The following CENPE variants were observed in gnomAD, a reference collection of about 807,000 sequenced individuals.
CENPE encodes the protein centromere protein E.
CENPE carries 145 observed loss-of-function variants against 336.1 expected under a neutral mutation model. The ratio of observed to expected loss-of-function variants is 0.43; its 90% CI spans 0.38 to 0.50. The LOEUF (loss-of-function observed/expected upper bound fraction) is 0.50, where lower values mean the gene tolerates loss of function less well. Ranked by LOEUF, CENPE falls within the 20% of genes least tolerant of loss-of-function variation. The pLI is 0.00. For missense variants in CENPE, 2,719 were observed against 3,023.3 expected (o/e 0.90, Z 2.36); for synonymous variants, 1,013 against 984.8 (o/e 1.03, Z -0.54).
chr4:103,159,339 T>G lies in CENPE; in HGVS notation c.2287-15A>C. 1 of 1,349,860 alleles carries G rather than the reference T, an allele frequency of 7.4e-7. No individual in the cohort carries two copies. The allele number at this position is 1,349,860 out of a possible 1,614,324, so 83.6% of individuals were successfully genotyped here. A position where few individuals can be genotyped will look rare whatever the true frequency, so the allele number is the denominator to read the frequency against. On this transcript the variant is annotated splice_polypyrimidine_tract_variant and intron_variant, in intron 21 of 48. Transcript: ENST00000265148. The stretch of plus-strand genomic sequence containing the variant: ...TTGTCTTGTATCTATGGAAAAGAAA[T>G]AAAATTTAGGGATGTTAGCAACATA...
At chr4:103,196,905 G>A in intron 1 of CENPE, 55 bp from the exon 2 acceptor site, 1 of 823,590 alleles carries the variant, frequency 1.2e-6, no homozygotes, top group Non-Finnish European at 2.1e-6. Flanking sequence ...TGTCATAGGA[G>A]GAATAATTGA....
At chr4:103,111,467 C>T (rs1204194995) in intron 46 of CENPE, among the ~76,000 whole-genome samples, 1 of 152,144 alleles carries the variant, frequency 6.6e-6, no homozygotes, top group Non-Finnish European at 1.5e-5. Context: ...ATATATGTTA[C>T]AATAATATTA....
At position 103,120,206 on chromosome 4, in the gene CENPE, T is replaced by C. The variant is rs1216138999; in HGVS notation, c.7271A>G (p.Lys2424Arg). Reference sequence around the variant, plus strand: ...AAGGCATTTATTTGATTCATGAACTTTGGCTTGAAGTTTTGCTATTATGTC... The same window carrying C: ...AAGGCATTTATTTGATTCATGAACTCTGGCTTGAAGTTTTGCTATTATGTC... The part of the protein sequence containing the change: ...TNDIIAKLQA[K>R]VHESNKCLEK... Residue 2424 changes from lysine to arginine, a missense_variant, in exon 44 of 49, where the codon AAA becomes AGA. Physicochemically the swap from Lys to Arg is conservative, Grantham distance 26 (BLOSUM62 2). Transcript: ENST00000265148. 6.2e-7 allele frequency: 1 copy of C among 1,611,926 alleles called. No individual in the cohort carries two copies. The highest frequency in any genetic ancestry group is 8.5e-7 in the Non-Finnish European group (1 of 1,179,222).
At chr4:103,169,507 G>A (rs1326516553) in intron 16 of CENPE, among the ~76,000 whole-genome samples, 3 of 152,096 alleles carry the variant, frequency 2.0e-5, no homozygotes, top group Non-Finnish European at 4.4e-5. Flanking sequence ...AAGACAAGGA[G>A]AAAATCCTAA....
chr4:103,141,918 T>C lies in CENPE; in HGVS notation c.5305-10A>G. 1 of 1,523,628 alleles carries C rather than the reference T, an allele frequency of 6.6e-7. No homozygotes were observed. Among genetic ancestry groups the C allele is most frequent in the East Asian group, 2.3e-5 (1 of 43,834 alleles). The allele number at this position is 1,523,628 out of a possible 1,614,324, so 94.4% of individuals were successfully genotyped here. A position where few individuals can be genotyped will look rare whatever the true frequency, so the allele number is the denominator to read the frequency against. The stretch of plus-strand genomic sequence containing the variant: ...CTTGTATTTTCAGATCCTTTACCAT[T>C]AGAGAAATTTTAAAAACAGTGACAT... On this transcript the variant is annotated splice_polypyrimidine_tract_variant and intron_variant, in intron 34 of 48. Coordinates refer to ENST00000265148, the MANE Select transcript of CENPE (RefSeq NM_001813.3).
intron 12 of CENPE, 92 bp downstream of exon 12, chr4:103,181,245 A>G (rs1756302963): frequency 2.4e-6 from 2 of 839,974 alleles, no homozygotes; most frequent in African/African-American, 1.8e-5. Flanking sequence ...AGCAACTCAG[A>G]TATTCAGGAA....
At chr4:103,126,689 C>T (rs186146561) in intron 42 of CENPE, among the ~76,000 whole-genome samples, 18 of 152,082 alleles carry the variant, frequency 1.2e-4, no homozygotes, top group African/African-American at 3.4e-4. Context: ...AAAAAGCAGA[C>T]GACTTGCAAG....
At chr4:103,153,553 A>G (rs1235196869) in intron 24 of CENPE, among the ~76,000 whole-genome samples, 2 of 152,210 alleles carry the variant, frequency 1.3e-5, no homozygotes, top group Non-Finnish European at 2.9e-5. Context: ...AATCAGAACA[A>G]TATGGACAAC....
rs1385538527 is a variant in CENPE, at chr4:103,160,659, G to T, written c.2252C>A (p.Ser751Tyr). ...EEVILLSELK[S>Y]LPSEVERLRK... is the part of the protein sequence containing the mutation. The stretch of plus-strand genomic sequence containing the variant: ...CAGCCTTTCTACTTCAGAAGGTAAA[G>T]ATTTCAATTCTGAAAGCAAAATGAC... Residue 751 changes from serine to tyrosine, a missense_variant, in exon 21 of 49, where the codon TCT (serine) becomes TAT (tyrosine). Ser to Tyr is a moderately radical substitution (Grantham distance 144). Transcript: ENST00000265148. 8 of 1,610,608 alleles carry T rather than the reference G, an allele frequency of 5.0e-6. No individual in the cohort carries two copies. The highest frequency in any genetic ancestry group is 6.8e-6 in the Non-Finnish European group (8 of 1,178,374).
At chr4:103,188,365 A>G (rs1248627117) in intron 8 of CENPE, among the ~76,000 whole-genome samples, 1 of 152,132 alleles carries the variant, frequency 6.6e-6, no homozygotes, top group African/African-American at 2.4e-5. Flanking sequence ...CATCACACTT[A>G]TTCCAAAATT....
Position 103,177,062 on chromosome 4 carries a change from T to C in CENPE, c.1243-16A>G. ...TTCTTTTAGCCTAAAGAAGAAGAAA[T>C]CAAAATTATGTCATATAGATCTGTA... On this transcript the variant is annotated splice_polypyrimidine_tract_variant and intron_variant, in intron 13 of 48. Transcript: ENST00000265148. The C allele has an allele frequency of 6.3e-7, 1 of 1,590,268 alleles. No individual in the cohort carries two copies. The highest frequency in any genetic ancestry group is 8.5e-7 in the Non-Finnish European group (1 of 1,169,826).
In CENPE at chr4:103,133,867, AT is replaced by A; in HGVS notation, c.6547del (p.Ile2183Ter). 1 of 1,589,100 alleles carries A rather than the reference AT, an allele frequency of 6.3e-7. No homozygotes were observed. Among genetic ancestry groups the A allele is most frequent in the Non-Finnish European group, 8.6e-7 (1 of 1,163,596 alleles). ...LKYVLSYVTK[I>X]KEEQHESINK... ...GATGGATTCATGTTGTTCTTCTTTT[AT>A]TTTTGTAACATAGCTTAACACATAC... is the stretch of plus-strand genomic sequence containing the variant. On this transcript the variant is annotated frameshift_variant, in exon 41 of 49. Coordinates refer to ENST00000265148, the MANE Select transcript of CENPE (RefSeq NM_001813.3). LOFTEE classifies it high-confidence loss of function.
chr4:103,133,506 C>T (rs569448758), intron 41 of CENPE, among the ~76,000 whole-genome samples, 189 bp downstream of exon 41: 128 of 152,268 alleles, frequency 8.4e-4, no homozygotes, highest in African/African-American at 2.9e-3. Flanking sequence ...CATAAGTTTT[C>T]CTGTATCTAT....
chr4:103,178,553 T>C (rs541102155), intron 13 of CENPE, among the ~76,000 whole-genome samples: 2 of 152,332 alleles, frequency 1.3e-5, no homozygotes, highest in South Asian at 2.1e-4. Context: ...CTTTCTACTA[T>C]ATTCAAGATT....
intron 13 of CENPE, among the ~76,000 whole-genome samples, chr4:103,179,423 A>C (rs1756149807): frequency 6.6e-6 from 1 of 152,212 alleles, no homozygotes; most frequent in South Asian, 2.1e-4. Flanking sequence ...ATGTTTCTTC[A>C]CAACTCCAAG....
chr4:103,171,544 C>T (rs1030311088), intron 16 of CENPE, among the ~76,000 whole-genome samples: 3 of 151,706 alleles, frequency 2.0e-5, no homozygotes, highest in African/African-American at 7.3e-5. Context: ...TAGTAATAAA[C>T]ATCTACATCA....
At position 103,141,782 on chromosome 4, in the gene CENPE, A is replaced by T. The variant is rs1752584093; in HGVS notation, c.5431T>A (p.Leu1811Ile). 3.9e-6 allele frequency: 6 copies of T among 1,549,594 alleles called. No individual in the cohort carries two copies. Among genetic ancestry groups the T allele is most frequent in the Non-Finnish European group, 5.3e-6 (6 of 1,132,866 alleles). Residue 1811 changes from leucine to isoleucine, a missense_variant, in exon 35 of 49, where the codon TTA becomes ATA. Leu to Ile is a conservative substitution (Grantham distance 5). Around this residue, in one of 5 missense-constraint regions of CENPE, gnomAD observed 2,437 missense variants for 2,513.3 expected, o/e 0.97. Coordinates refer to ENST00000265148, the MANE Select transcript of CENPE (RefSeq NM_001813.3). ...TDKLSNMQKD[L>I]ENSNAKLQEK... ...TGTAATTTAGCATTTGAATTTTCTA[A>T]ATCTTTTTGCATATTTGATAGTTTA...
rs761390219 is a variant in CENPE, at chr4:103,145,948, C to T, written c.4294G>A (p.Glu1432Lys). The T allele has an allele frequency of 6.2e-7, 1 of 1,613,916 alleles. No homozygotes were observed. The highest frequency in any genetic ancestry group is 1.1e-5 in the South Asian group (1 of 91,072). Residue 1432 changes from glutamate to lysine, a missense_variant, in exon 30 of 49, where the codon GAA (glutamate) becomes AAA (lysine). Physicochemically the swap from Glu to Lys is moderately conservative, Grantham distance 56 (BLOSUM62 1). Coordinates refer to ENST00000265148, the MANE Select transcript of CENPE (RefSeq NM_001813.3). ...EMLGLSKRLQ[E>K]SHDEMKSVAK... ...ACAGATTTCATTTCATCATGACTTT[C>T]TTGAAGTCTTTTGGACAATCCGAGC...
chr4:103,183,065 A>G, intron 10 of CENPE, 136 bp downstream of exon 10: 1 of 861,994 alleles, frequency 1.2e-6, no homozygotes, highest in African/African-American at 1.7e-5. Flanking sequence ...TAAATTCAGT[A>G]GATTATAATC....
Sources: allele counts gnomAD v4.1 joint callset (sites outside exome capture counted in the v4.1 genomes callset), GRCh38; gene constraint gnomAD v4.1.1; regional missense constraint gnomAD v4.1.1; transcripts MANE v1.5; gene names NCBI Gene and HGNC (gene_info 2026-07-23, HGNC 2026-07-21).